PXDNL: variants seen among roughly 807,000 people sequenced by gnomAD.
PXDNL encodes probable oxidoreductase PXDNL.
PXDNL carries 145 observed loss-of-function variants against 150.8 expected under a neutral mutation model. The observed-to-expected ratio is 0.96, with a 90% CI of 0.84 to 1.10. The LOEUF (loss-of-function observed/expected upper bound fraction) is 1.10, where lower values mean the gene tolerates loss of function less well. Ranked by LOEUF, PXDNL falls within the 50% of genes least tolerant of loss-of-function variation. The probability of loss-of-function intolerance (pLI) is 0.00; values close to 1 mark genes in which losing one functional copy is unlikely to be tolerated. For synonymous variants in PXDNL, 757 were observed against 725.7 expected, an observed-to-expected ratio of 1.04 and a Z score of -0.69; for missense variants, 2,087 against 1,873.9, an observed-to-expected ratio of 1.11 and a Z score of -2.10.
chr8:51,774,041 G>T (rs2037326654), intron 1 of PXDNL, among the ~76,000 whole-genome samples: 1 of 152,198 alleles, frequency 6.6e-6, no homozygotes, highest in Non-Finnish European at 1.5e-5. Context: ...AATACTAATT[G>T]TAAGTGTAAT....
chr8:51,350,734 T>A (rs1190372403), intron 19 of PXDNL, among the ~76,000 whole-genome samples: 1 of 152,148 alleles, frequency 6.6e-6, no homozygotes, highest in Non-Finnish European at 1.5e-5. Flanking sequence ...AACCGCCATG[T>A]TGGATGGACT....
At chr8:51,643,044 G>A (rs1781981015) in intron 2 of PXDNL, among the ~76,000 whole-genome samples, 1 of 152,094 alleles carries the variant, frequency 6.6e-6, no homozygotes, top group South Asian at 2.1e-4. Context: ...AATAAAAGAG[G>A]ACACAAACAA....
chr8:51,352,690 T>G (rs1022798398), intron 19 of PXDNL, among the ~76,000 whole-genome samples: 3 of 152,198 alleles, frequency 2.0e-5, no homozygotes, highest in Non-Finnish European at 2.9e-5. Flanking sequence ...GAAACCCTCT[T>G]TTATTTGTAA....
Position 51,597,796 on chromosome 8 carries a change from C to T in PXDNL, c.237-5098G>A, listed in dbSNP as rs528926412. On this transcript the variant is annotated intron_variant, in intron 2 of 22. Coordinates refer to ENST00000356297, the MANE Select transcript of PXDNL (RefSeq NM_144651.5). ...ATGGTGCGATCATAGCTCACCGCAA[C>T]CTCCGCCTCCTGGGTTCAAGCAATT... Among the ~76,000 whole-genome samples the T allele has an allele frequency of 2.6e-5, 4 of 151,682 alleles. No homozygotes were observed. The East Asian group carries it at 7.8e-4, about 29-fold the overall frequency.
intron 1 of PXDNL, among the ~76,000 whole-genome samples, chr8:51,726,343 T>C (rs1816817359): frequency 6.6e-6 from 1 of 152,216 alleles, no homozygotes; most frequent in Non-Finnish European, 1.5e-5. Flanking sequence ...CTCATACTTC[T>C]GGATCCTCTA....
intron 4 of PXDNL, among the ~76,000 whole-genome samples, chr8:51,555,295 T>C (rs1324494879): frequency 6.6e-6 from 1 of 152,160 alleles, no homozygotes; most frequent in Non-Finnish European, 1.5e-5. Context: ...GCTCCCACAA[T>C]AAGAAACTCA....
intron 2 of PXDNL, among the ~76,000 whole-genome samples, chr8:51,619,531 G>T (rs1318611997): frequency 1.3e-5 from 2 of 152,120 alleles, no homozygotes; most frequent in Non-Finnish European, 2.9e-5. Flanking sequence ...TAGATCACGG[G>T]GGTGGATTTC....
intron 3 of PXDNL, among the ~76,000 whole-genome samples, chr8:51,570,143 T>G (rs1423805658): frequency 6.7e-6 from 1 of 149,112 alleles, no homozygotes; most frequent in Non-Finnish European, 1.5e-5. Context: ...TTAAAAAAGT[T>G]TAATCTCTTC....
intron 2 of PXDNL, among the ~76,000 whole-genome samples, chr8:51,606,950 C>A (rs1001975031): frequency 6.6e-6 from 1 of 152,142 alleles, no homozygotes; most frequent in Non-Finnish European, 1.5e-5. Context: ...TGTCAACAGT[C>A]TCCTACAAAA....
chr8:51,357,374 G>A (rs907433392), intron 19 of PXDNL, among the ~76,000 whole-genome samples: 1 of 152,204 alleles, frequency 6.6e-6, no homozygotes, highest in African/African-American at 2.4e-5. Flanking sequence ...ACTGATGGCA[G>A]TTCCTGTGCA....
intron 17 of PXDNL, among the ~76,000 whole-genome samples, chr8:51,387,655 T>C (rs1362742388): frequency 1.3e-5 from 2 of 152,218 alleles, no homozygotes; most frequent in African/African-American, 4.8e-5. Flanking sequence ...TACATATTTA[T>C]GAATTAACGT....
At position 51,408,762 on chromosome 8, in the gene PXDNL, G is replaced by A; in HGVS notation, c.2862C>T (p.Phe954=). Reference sequence around the variant, plus strand: ...CGTTGGCCCGGTGGTCCCCGGCCAGGAAACAGGGGCTCTCCTGCTCCTGTC... The same window carrying A: ...CGTTGGCCCGGTGGTCCCCGGCCAGAAAACAGGGGCTCTCCTGCTCCTGTC... ...CARQEQESPC[F]LAGDHRANEH... is the part of the protein sequence containing the mutation. Residue 954 remains phenylalanine, a synonymous_variant, in exon 17 of 23, where the codon TTC becomes TTT. Transcript: ENST00000356297. 1 of 1,586,816 alleles carries A rather than the reference G, an allele frequency of 6.3e-7. No individual in the cohort carries two copies.
intron 17 of PXDNL, among the ~76,000 whole-genome samples, chr8:51,383,701 T>G (rs1807613401): frequency 6.6e-6 from 1 of 152,172 alleles, no homozygotes; most frequent in Non-Finnish European, 1.5e-5. Context: ...AGCTATATTT[T>G]AAAAAAAGTG....
At chr8:51,565,867 C>T (rs551651175) in intron 3 of PXDNL, among the ~76,000 whole-genome samples, 4 of 151,864 alleles carry the variant, frequency 2.6e-5, no homozygotes, top group African/African-American at 7.2e-5. Context: ...CAAAGCATTT[C>T]TGGTCCCAAG....
chr8:51,586,370 A>G (rs77222627), intron 3 of PXDNL, among the ~76,000 whole-genome samples: 2,255 of 152,318 alleles, frequency 0.015, 57 homozygotes, highest in African/African-American at 0.05. Context: ...AGACAAAAAG[A>G]ACTGACTCAT....
intron 5 of PXDNL, among the ~76,000 whole-genome samples, chr8:51,493,869 C>A (rs1272631207): frequency 6.6e-6 from 1 of 152,144 alleles, no homozygotes; most frequent in Non-Finnish European, 1.5e-5. Context: ...AGGATATTAT[C>A]CAGGAGAACT....
intron 1 of PXDNL, among the ~76,000 whole-genome samples, chr8:51,792,456 T>C (rs2037522545): frequency 6.6e-6 from 1 of 152,208 alleles, no homozygotes; most frequent in Admixed American, 6.5e-5. Context: ...ACCAGGGCCT[T>C]GGGTCCCAAG....
chr8:51,580,257 G>T (rs1813177872), intron 3 of PXDNL, among the ~76,000 whole-genome samples: 1 of 151,952 alleles, frequency 6.6e-6, no homozygotes. Flanking sequence ...CAGTATTCTG[G>T]TCATACATTC....
At chr8:51,644,377 TACAC>T (rs768658260) in intron 2 of PXDNL, among the ~76,000 whole-genome samples, 9 of 79,484 alleles carry the variant, frequency 1.1e-4, no homozygotes, top group East Asian at 4.1e-4. Context: ...TGTATATATA[TACAC>T]ACACATATGT....
Sources: allele counts gnomAD v4.1 joint callset (sites outside exome capture counted in the v4.1 genomes callset), GRCh38; gene constraint gnomAD v4.1.1; transcripts MANE v1.5; gene names NCBI Gene and HGNC (gene_info 2026-07-23, HGNC 2026-07-21).